INPP4A: variants seen among roughly 807,000 people sequenced by gnomAD.
The protein encoded by INPP4A is inositol polyphosphate-4-phosphatase, type I, 107kD.
In INPP4A, 33 loss-of-function variants were observed where a neutral mutation model predicts 119.8. That is an observed-to-expected ratio of 0.28 (90% CI 0.21 to 0.37). The LOEUF (loss-of-function observed/expected upper bound fraction) is 0.37, where lower values mean the gene tolerates loss of function less well. INPP4A is among the 10% of genes least tolerant of loss of function. The probability of loss-of-function intolerance (pLI) is 1.00; values close to 1 mark genes in which losing one functional copy is unlikely to be tolerated. For synonymous variants in INPP4A, 496 were observed against 500.7 expected (o/e 0.99, Z 0.12); for missense variants, 956 against 1,289.9 (o/e 0.74, Z 3.97).
At chr2:98,563,686 A>G (rs1374518183) in intron 18 of INPP4A, 49 bp downstream of exon 18, 1 of 1,584,648 alleles carries the variant, frequency 6.3e-7, no homozygotes, top group Non-Finnish European at 8.6e-7. Flanking sequence ...CTCTCAGCTC[A>G]GAAAAGACAG....
At chr2:98,475,693 G>A (rs1677062818) in intron 1 of INPP4A, among the ~76,000 whole-genome samples, 1 of 152,158 alleles carries the variant, frequency 6.6e-6, no homozygotes, top group Non-Finnish European at 1.5e-5. Context: ...GGGCATGCTG[G>A]GCTGTGTGGG....
At chr2:98,446,167 T>G (rs886187315) in intron 1 of INPP4A, among the ~76,000 whole-genome samples, 1 of 152,246 alleles carries the variant, frequency 6.6e-6, no homozygotes, top group Non-Finnish European at 1.5e-5. Context: ...GCAGAGCCTT[T>G]TTTGCTGAGT....
intron 24 of INPP4A, among the ~76,000 whole-genome samples, chr2:98,578,292 G>A (rs1228923997): frequency 6.6e-6 from 1 of 152,186 alleles, no homozygotes; most frequent in Non-Finnish European, 1.5e-5. Flanking sequence ...CGGCAGCCAC[G>A]CCTGTGCCCA....
intron 14 of INPP4A, among the ~76,000 whole-genome samples, chr2:98,553,247 G>A (rs1353783883): frequency 6.6e-6 from 1 of 152,140 alleles, no homozygotes; most frequent in Non-Finnish European, 1.5e-5. Flanking sequence ...TCATTTTGTT[G>A]AGGGTGATAC....
chr2:98,481,425 C>G (rs1438419689), intron 1 of INPP4A, among the ~76,000 whole-genome samples: 1 of 152,220 alleles, frequency 6.6e-6, no homozygotes, highest in Non-Finnish European at 1.5e-5. Flanking sequence ...ACCCTCGCTC[C>G]TCCAGTTTTA....
intron 7 of INPP4A, among the ~76,000 whole-genome samples, chr2:98,537,018 G>T (rs940641659): frequency 2.0e-5 from 3 of 152,178 alleles, no homozygotes; most frequent in Non-Finnish European, 4.4e-5. Context: ...ATTTAGTTAC[G>T]TCATGTGTCA....
intron 24 of INPP4A, 73 bp from the exon 25 acceptor site, chr2:98,587,398 GTTCAT>G (rs1363637455): frequency 1.5e-6 from 2 of 1,353,020 alleles, no homozygotes; most frequent in Non-Finnish European, 2.0e-6. Flanking sequence ...AAAATGATCA[GTTCAT>G]TTCATCTTAG....
At chr2:98,473,206 T>TGA (rs1676456117) in intron 1 of INPP4A, among the ~76,000 whole-genome samples, 1 of 54,828 alleles carries the variant, frequency 1.8e-5, no homozygotes. Flanking sequence ...GTGGAGAGAG[T>TGA]GGAGGGTAGT....
intron 24 of INPP4A, chr2:98,581,440 T>C: frequency 1.1e-6 from 1 of 911,928 alleles, no homozygotes. Flanking sequence ...TTCATTTTTT[T>C]TTAACCTTAT....
At chr2:98,485,967 G>A (rs1435517270) in intron 1 of INPP4A, among the ~76,000 whole-genome samples, 1 of 152,158 alleles carries the variant, frequency 6.6e-6, no homozygotes. Flanking sequence ...AGGGGAGGGG[G>A]CCTCCAGATG....
intron 8 of INPP4A, among the ~76,000 whole-genome samples, chr2:98,538,265 CA>C (rs1335967841): frequency 1.3e-5 from 2 of 152,210 alleles, no homozygotes; most frequent in African/African-American, 4.8e-5. Context: ...GAACTGCAGT[CA>C]GGGGGCAACT....
At chr2:98,581,667 A>T (rs1699332542) in intron 24 of INPP4A, 1 of 1,605,362 alleles carries the variant, frequency 6.2e-7, no homozygotes, top group Non-Finnish European at 8.5e-7. Flanking sequence ...CCTCTGTTCC[A>T]TCCCTTTATT....
intron 1 of INPP4A, among the ~76,000 whole-genome samples, chr2:98,508,316 C>T (rs1684470740): frequency 6.6e-6 from 1 of 152,220 alleles, no homozygotes; most frequent in South Asian, 2.1e-4. Context: ...ATAAGGCACA[C>T]CCAGCCTGCT....
At chr2:98,586,222 C>T (rs987728370) in intron 24 of INPP4A, among the ~76,000 whole-genome samples, 3 of 152,142 alleles carry the variant, frequency 2.0e-5, no homozygotes, top group Non-Finnish European at 2.9e-5. Context: ...CTTTTCTAAA[C>T]TATCGGAGCT....
intron 17 of INPP4A, among the ~76,000 whole-genome samples, chr2:98,562,395 C>T (rs989228016): frequency 1.3e-5 from 2 of 152,164 alleles, no homozygotes; most frequent in African/African-American, 2.4e-5. Context: ...AGGGCCAAGC[C>T]GCCCTTCTCT....
intron 1 of INPP4A, among the ~76,000 whole-genome samples, chr2:98,458,787 CA>C (rs1255616050): frequency 1.3e-5 from 2 of 152,126 alleles, no homozygotes; most frequent in East Asian, 1.9e-4. Context: ...GAGGCATGGC[CA>C]GGGGGGATGT....
rs375590011 is a variant in INPP4A at position 98,546,105 on chromosome 2, C to G, written c.1054+32C>G. ...ATTTTTCTGCTCCCTCTTGTTGAAT[C>G]ACATTTCGCTGCTTTTCTCTGTGGG... On this transcript the variant is annotated intron_variant, in intron 12 of 24. Transcript: ENST00000409851. The surrounding 1 kb of genome is among the most constrained non-coding windows in gnomAD (Gnocchi z 4.2). The G allele has an allele frequency of 7.3e-5, 104 of 1,427,202 alleles. No individual in the cohort carries two copies. In the African/African-American group the frequency reaches 1.3e-3, roughly 17 times the overall value. The allele number at this position is 1,427,202 out of a possible 1,614,324, so 88.4% of individuals were successfully genotyped here. A position where few individuals can be genotyped will look rare whatever the true frequency, so the allele number is the denominator to read the frequency against.
chr2:98,475,498 G>A (rs1465941328), intron 1 of INPP4A, among the ~76,000 whole-genome samples: 1 of 152,186 alleles, frequency 6.6e-6, no homozygotes, highest in Admixed American at 6.5e-5. Flanking sequence ...AAGCCTTGGA[G>A]GAAAGCAAAA....
At position 98,544,136 on chromosome 2, in the gene INPP4A, C is replaced by T. The variant is rs554442569; in HGVS notation, c.949+129C>T. 3.2e-5 allele frequency: 24 copies of T among 757,726 alleles called. No individual in the cohort carries two copies. The African/African-American group carries it at 3.7e-4, about 12-fold the overall frequency. The allele number at this position is 757,726 out of a possible 1,614,324, so 46.9% of individuals were successfully genotyped here. A position where few individuals can be genotyped will look rare whatever the true frequency, so the allele number is the denominator to read the frequency against. Reference sequence around the variant, plus strand: ...TGGAACACAGGGTCACTTACACATTCCCACTGACAGACACTTTAATGGATT... The same window carrying T: ...TGGAACACAGGGTCACTTACACATTTCCACTGACAGACACTTTAATGGATT... On this transcript the variant is annotated intron_variant, in intron 11 of 24. Transcript: ENST00000409851.
Sources: gnomAD v4.1 joint callset for allele counts (sites outside exome capture counted in the v4.1 genomes callset) on GRCh38, gnomAD v4.1.1 for gene constraint, Gnocchi (gnomAD v3.1) non-coding constraint, MANE v1.5 for transcripts, NCBI Gene and HGNC (gene_info 2026-07-23, HGNC 2026-07-21) for gene names.